Variants in IQSEC1 observed in about 807,000 individuals in gnomAD.
IQSEC1 encodes the protein IQ motif and Sec7 domain ArfGEF 1, also known as IQ motif and SEC7 domain-containing protein 1.
Under a neutral mutation model 91.0 loss-of-function variants are expected in IQSEC1, and 31 were observed. That is an observed-to-expected ratio of 0.34 (90% CI 0.26 to 0.46). IQSEC1 has a LOEUF of 0.46. Ranked by LOEUF, IQSEC1 falls within the 20% of genes least tolerant of loss-of-function variation. IQSEC1 has a pLI of 1.00. For synonymous variants in IQSEC1, 699 were observed against 662.6 expected, an observed-to-expected ratio of 1.05 and a Z score of -0.84; for missense variants, 1,388 against 1,575.6, an observed-to-expected ratio of 0.88 and a Z score of 2.02.
chr3:13,225,804 A>C (rs1033733281), intron 1 of IQSEC1, among the ~76,000 whole-genome samples: 1 of 152,206 alleles, frequency 6.6e-6, no homozygotes, highest in Non-Finnish European at 1.5e-5. Flanking sequence ...AAGGAAGAAA[A>C]GGTTTGATGA....
intron 1 of IQSEC1, among the ~76,000 whole-genome samples, chr3:13,197,612 C>G (rs1694158582): frequency 6.6e-6 from 1 of 152,194 alleles, no homozygotes; most frequent in African/African-American, 2.4e-5. Context: ...GAGTCCAGAC[C>G]CAGGCCCTGA....
chr3:12,910,843 C>G (rs1695492111), intron 10 of IQSEC1, among the ~76,000 whole-genome samples: 2 of 152,210 alleles, frequency 1.3e-5, no homozygotes, highest in Admixed American at 1.3e-4. Flanking sequence ...GGGACCCCTA[C>G]TGCTCAAGCA....
At position 13,248,197 on chromosome 3, in the gene IQSEC1, T is replaced by C. The variant is rs144618771; in HGVS notation, c.272+34514A>G. On this transcript the variant is annotated intron_variant, in intron 1 of 15. Coordinates refer to the IQSEC1 transcript ENST00000648114. ...CTCTTTCCAAGTGGTCAGACCCCTA[T>C]TGTGTCCCCAAGGCCACTGGAAATC... 6.0e-4 allele frequency among the ~76,000 whole-genome samples: 91 copies of C among 152,338 alleles called. 1 individual carries two copies. Among genetic ancestry groups the C allele is most frequent in the Admixed American group, 1.0e-3 (16 of 15,308 alleles).
At chr3:13,088,821 T>G (rs1360462268) in intron 2 of IQSEC1, among the ~76,000 whole-genome samples, 1 of 152,244 alleles carries the variant, frequency 6.6e-6, no homozygotes, top group Non-Finnish European at 1.5e-5. Flanking sequence ...TCATGCTTTT[T>G]GCCCAGGGGG....
chr3:13,087,685 G>A (rs1705761658), intron 2 of IQSEC1, among the ~76,000 whole-genome samples: 1 of 152,198 alleles, frequency 6.6e-6, no homozygotes, highest in South Asian at 2.1e-4. Context: ...TCTATTTTGT[G>A]CTGCTGTAAC....
chr3:12,967,360 GCC>G lies in IQSEC1; in HGVS notation c.24-25497_24-25496del. Reference sequence around the variant, plus strand: ...AGCCCACCGCTCAGCACCCGGGAAGGCCGCTCGCCCCGCGCCGCGCCCTCACC... The same window carrying G: ...AGCCCACCGCTCAGCACCCGGGAAGGGCTCGCCCCGCGCCGCGCCCTCACC... On this transcript the variant is annotated intron_variant, in intron 1 of 13. Coordinates refer to ENST00000613206, the MANE Select transcript of IQSEC1 (RefSeq NM_001134382.3). The surrounding 1 kb of genome is among the most constrained non-coding windows in gnomAD (Gnocchi z 5.9). 6.6e-7 allele frequency: 1 copy of G among 1,525,964 alleles called. No homozygotes were observed. The highest frequency in any genetic ancestry group is 8.8e-7 in the Non-Finnish European group (1 of 1,139,256). The allele number at this position is 1,525,964 out of a possible 1,614,324, so 94.5% of individuals were successfully genotyped here.
chr3:13,275,983 G>A (rs566368582), intron 1 of IQSEC1, among the ~76,000 whole-genome samples: 3 of 152,214 alleles, frequency 2.0e-5, no homozygotes, highest in South Asian at 4.1e-4. Context: ...AGAATCCAGG[G>A]GGACAGTGTT....
At chr3:13,036,236 C>T (rs957411115) in intron 1 of IQSEC1, among the ~76,000 whole-genome samples, 1 of 152,146 alleles carries the variant, frequency 6.6e-6, no homozygotes, top group African/African-American at 2.4e-5. Flanking sequence ...TAGTGTAGCT[C>T]AGTGGAGGTG....
At chr3:13,083,077 C>T (rs762492262) in intron 2 of IQSEC1, among the ~76,000 whole-genome samples, 3 of 152,198 alleles carry the variant, frequency 2.0e-5, no homozygotes, top group Non-Finnish European at 4.4e-5. Context: ...TGACCACCTC[C>T]CCCACTGGAA....
chr3:13,073,593 G>C (rs1477882050), upstream of IQSEC1, among the ~76,000 whole-genome samples: 3 of 152,180 alleles, frequency 2.0e-5, no homozygotes, highest in East Asian at 1.9e-4. Context: ...CACACCCGGC[G>C]GGGCGCGGGG....
At chr3:13,283,020 C>CGGGCGGCG (rs1373735458) in exon 1 of IQSEC1, among the ~76,000 whole-genome samples, 8 of 145,236 alleles carry the variant, frequency 5.5e-5, no homozygotes, top group Admixed American at 2.7e-4. Context: ...CTCAGGCGAG[C>CGGGCGGCG]GGGCGGCGGG....
chr3:13,053,126 G>A (rs1269019026), intron 1 of IQSEC1: 4 of 832,094 alleles, frequency 4.8e-6, no homozygotes, highest in South Asian at 1.3e-5. Flanking sequence ...AAGACATGGC[G>A]AGAAGCGGAC....
intron 2 of IQSEC1, among the ~76,000 whole-genome samples, chr3:13,152,267 G>A (rs971597883): frequency 1.3e-5 from 2 of 152,158 alleles, no homozygotes; most frequent in Non-Finnish European, 2.9e-5. Context: ...AAAATAATCA[G>A]GGAGGCTGAC....
intron 2 of IQSEC1, among the ~76,000 whole-genome samples, chr3:13,135,816 G>T (rs1706698256): frequency 6.6e-6 from 1 of 152,204 alleles, no homozygotes; most frequent in African/African-American, 2.4e-5. Flanking sequence ...ACTGGAGGGG[G>T]ATGGGAAGGC....
intron 1 of IQSEC1, among the ~76,000 whole-genome samples, chr3:13,215,952 G>A (rs1370176642): frequency 6.6e-6 from 1 of 152,204 alleles, no homozygotes; most frequent in African/African-American, 2.4e-5. Context: ...CCAAATCTCT[G>A]TCTCAGCCCT....
intron 1 of IQSEC1, among the ~76,000 whole-genome samples, chr3:13,041,408 A>G (rs1035053271): frequency 3.3e-5 from 5 of 152,164 alleles, no homozygotes; most frequent in African/African-American, 1.2e-4. Context: ...GAGAAAGCCC[A>G]CTGGAAGGAA....
chr3:13,025,720 G>A (rs758596119), intron 1 of IQSEC1, among the ~76,000 whole-genome samples: 2 of 152,154 alleles, frequency 1.3e-5, no homozygotes, highest in African/African-American at 2.4e-5. Context: ...CACTATACTC[G>A]ACTCCCGCCT....
At chr3:12,902,692 A>AAAAAAAAAAAAC in intron 13 of IQSEC1, 81 bp downstream of exon 13, 1 of 723,930 alleles carries the variant, frequency 1.4e-6, no homozygotes, top group Non-Finnish European at 2.3e-6. Flanking sequence ...AAAAAAAAAA[A>AAAAAAAAAAAAC]AACCAGGACA....
intron 1 of IQSEC1, among the ~76,000 whole-genome samples, chr3:13,056,301 C>A (rs1422108940): frequency 1.3e-5 from 2 of 152,144 alleles, no homozygotes; most frequent in Non-Finnish European, 2.9e-5. Flanking sequence ...GCCCTCCCAA[C>A]CTCATGTCCT....
Sources: gnomAD v4.1 joint callset for allele counts (sites outside exome capture counted in the v4.1 genomes callset) on GRCh38, gnomAD v4.1.1 for gene constraint, Gnocchi (gnomAD v3.1) non-coding constraint, MANE v1.5 for transcripts, NCBI Gene and HGNC (gene_info 2026-07-23, HGNC 2026-07-21) for gene names.